SH3D19: variants seen among roughly 807,000 people sequenced by gnomAD.
The protein encoded by SH3D19 is SH3 domain containing 19.
SH3D19 carries 58 observed loss-of-function variants against 112.1 expected under a neutral mutation model. The ratio of observed to expected loss-of-function variants is 0.52; its 90% CI spans 0.42 to 0.64. SH3D19 has a LOEUF of 0.64. SH3D19 is among the 30% of genes least tolerant of loss of function. The pLI is 0.00. For missense variants in SH3D19, 1,090 were observed against 1,263.4 expected (o/e 0.86, Z 2.08); for synonymous variants, 391 against 448.5 (o/e 0.87, Z 1.62).
chr4:151,233,458 C>T (rs1247380155), intron 1 of SH3D19, among the ~76,000 whole-genome samples: 5 of 152,052 alleles, frequency 3.3e-5, no homozygotes, highest in Admixed American at 6.6e-5. Flanking sequence ...CCTTGCCTTT[C>T]GCAGCTTCCT....
intron 2 of SH3D19, among the ~76,000 whole-genome samples, chr4:151,198,688 A>C (rs2149880140): frequency 6.6e-6 from 1 of 152,074 alleles, no homozygotes; most frequent in South Asian, 2.1e-4. Flanking sequence ...AGCAACAAAT[A>C]TATACATAAC....
chr4:151,229,334 T>C (rs574534376), intron 1 of SH3D19, among the ~76,000 whole-genome samples: 7 of 152,302 alleles, frequency 4.6e-5, no homozygotes, highest in Admixed American at 2.0e-4. Flanking sequence ...GCCTTAACTC[T>C]AAAATTTGCC....
intron 2 of SH3D19, among the ~76,000 whole-genome samples, chr4:151,225,442 AT>A (rs1768841915): frequency 6.6e-6 from 1 of 152,218 alleles, no homozygotes; most frequent in Non-Finnish European, 1.5e-5. Context: ...TTCTAGTGAA[AT>A]ACACTCAGTG....
At chr4:151,237,490 T>C (rs1770208313) in intron 1 of SH3D19, among the ~76,000 whole-genome samples, 3 of 151,972 alleles carry the variant, frequency 2.0e-5, no homozygotes, top group Admixed American at 2.0e-4. Flanking sequence ...TATGACAATC[T>C]AGGTAGATGT....
chr4:151,229,364 T>C (rs1415384688), intron 1 of SH3D19, among the ~76,000 whole-genome samples: 3 of 152,214 alleles, frequency 2.0e-5, no homozygotes, highest in Non-Finnish European at 4.4e-5. Context: ...ACATTTGCTG[T>C]GGATGATATA....
At chr4:151,227,896 G>T in intron 1 of SH3D19, 1 of 985,404 alleles carries the variant, frequency 1.0e-6, no homozygotes, top group Non-Finnish European at 1.2e-6. Flanking sequence ...ACAAGAGGAA[G>T]GGAGAAACAG....
chr4:151,189,118 G>GT (rs1196790425), intron 2 of SH3D19, among the ~76,000 whole-genome samples: 2 of 151,890 alleles, frequency 1.3e-5, no homozygotes, highest in Non-Finnish European at 2.9e-5. Context: ...TTTGTTTTTT[G>GT]TTTTTTTAAT....
chr4:151,191,985 A>C (rs1762739870), intron 2 of SH3D19, among the ~76,000 whole-genome samples: 1 of 111,344 alleles, frequency 9.0e-6, no homozygotes, highest in Non-Finnish European at 1.7e-5. Flanking sequence ...TTGCTCTGTC[A>C]CCAGGCTGGA....
intron 1 of SH3D19, among the ~76,000 whole-genome samples, chr4:151,273,297 T>G (rs2149999042): frequency 6.6e-6 from 1 of 152,030 alleles, no homozygotes; most frequent in South Asian, 2.1e-4. Context: ...AGTGATGTAT[T>G]AATAAAAGTC....
At chr4:151,214,371 A>G (rs1160061568) in intron 2 of SH3D19, among the ~76,000 whole-genome samples, 10 of 142,616 alleles carry the variant, frequency 7.0e-5, no homozygotes, top group African/African-American at 7.6e-5. Context: ...CCCGTTCTCA[A>G]TGGGCTGTTG....
intron 3 of SH3D19, among the ~76,000 whole-genome samples, chr4:151,179,938 G>A (rs551645792): frequency 6.6e-6 from 1 of 152,294 alleles, no homozygotes; most frequent in African/African-American, 2.4e-5. Context: ...GGAGAGCAGT[G>A]ACATGATGTT....
intron 2 of SH3D19, among the ~76,000 whole-genome samples, chr4:151,208,779 G>C (rs1039056605): frequency 2.0e-5 from 3 of 151,606 alleles, no homozygotes; most frequent in Admixed American, 2.0e-4. Context: ...CTGGGTTCAC[G>C]CCATTCACCT....
intron 14 of SH3D19, among the ~76,000 whole-genome samples, chr4:151,135,626 C>T (rs557701661): frequency 2.9e-4 from 44 of 151,906 alleles, no homozygotes; most frequent in Non-Finnish European, 5.3e-4. Context: ...CAGGGTTTCA[C>T]CATTGTTGCC....
chr4:151,208,204 C>T (rs1765383331), intron 2 of SH3D19, among the ~76,000 whole-genome samples: 1 of 152,130 alleles, frequency 6.6e-6, no homozygotes. Context: ...GCCTTAAGAG[C>T]AGAGCTGAGG....
intron 1 of SH3D19, among the ~76,000 whole-genome samples, chr4:151,317,077 C>T (rs186990565): frequency 7.9e-5 from 12 of 152,278 alleles, no homozygotes; most frequent in Admixed American, 3.9e-4. Flanking sequence ...GAAAAGGGGT[C>T]GGCATGACAA....
At chr4:151,325,199 G>T in intron 1 of SH3D19, 42 bp downstream of exon 1, 1 of 1,112,456 alleles carries the variant, frequency 9.0e-7, no homozygotes, top group African/African-American at 1.6e-5. Context: ...CCCAGAGCGC[G>T]CAGCTCTGGG....
chr4:151,236,122 C>T (rs774862403), intron 1 of SH3D19, among the ~76,000 whole-genome samples: 38 of 152,250 alleles, frequency 2.5e-4, no homozygotes, highest in Non-Finnish European at 5.0e-4. Flanking sequence ...GGTGCCTCCT[C>T]GGCCTCGGCG....
chr4:151,126,717 T>A (rs1451760277), intron 19 of SH3D19, among the ~76,000 whole-genome samples: 1 of 30,662 alleles, frequency 3.3e-5, no homozygotes, highest in Admixed American at 3.7e-4. Context: ...GAGAATGGCG[T>A]GAACCGGGAG....
At chr4:151,190,203 CT>C (rs1762406735) in intron 2 of SH3D19, among the ~76,000 whole-genome samples, 1 of 152,196 alleles carries the variant, frequency 6.6e-6, no homozygotes, top group Non-Finnish European at 1.5e-5. Flanking sequence ...CAAAAAGTCA[CT>C]TGGGTTCTTT....
Sources: gnomAD v4.1 joint callset for allele counts (sites outside exome capture counted in the v4.1 genomes callset) on GRCh38, gnomAD v4.1.1 for gene constraint, MANE v1.5 for transcripts, NCBI Gene and HGNC (gene_info 2026-07-23, HGNC 2026-07-21) for gene names.